Variants in TSPAN9 observed in about 807,000 individuals in gnomAD.
TSPAN9 encodes the protein tetraspanin-9.
TSPAN9 carries 16 observed loss-of-function variants against 31.0 expected under a neutral mutation model. The observed-to-expected ratio is 0.52, with a 90% CI of 0.35 to 0.78. The LOEUF is 0.78. Among genes scored for constraint, TSPAN9 ranks in the 30% least tolerant of loss-of-function variants. The pLI is 0.01. For missense variants in TSPAN9, 272 were observed against 312.5 expected (o/e 0.87, Z 0.98); for synonymous variants, 145 against 121.6 (o/e 1.19, Z -1.27).
At chr12:3,261,313 T>C (rs1862444456) in intron 3 of TSPAN9, among the ~76,000 whole-genome samples, 1 of 152,246 alleles carries the variant, frequency 6.6e-6, no homozygotes, top group African/African-American at 2.4e-5. Flanking sequence ...CAGCTTAATA[T>C]GGTAAGTACC....
intron 2 of TSPAN9, among the ~76,000 whole-genome samples, chr12:3,085,248 A>G (rs968890288): frequency 1.3e-5 from 2 of 151,220 alleles, no homozygotes; most frequent in Admixed American, 6.6e-5. Context: ...ACTTAAGGAC[A>G]AGGGAATGAC....
At chr12:3,160,987 G>A (rs903582046) in intron 2 of TSPAN9, among the ~76,000 whole-genome samples, 17 of 152,106 alleles carry the variant, frequency 1.1e-4, no homozygotes, top group Admixed American at 2.6e-4. Flanking sequence ...TTGGGAGGCC[G>A]AGGCAGGTGG....
chr12:3,277,888 C>T (rs1003081433), intron 3 of TSPAN9, among the ~76,000 whole-genome samples: 1 of 152,254 alleles, frequency 6.6e-6, no homozygotes, highest in Non-Finnish European at 1.5e-5. Context: ...CTTCAGACTC[C>T]AGTGGACAAA....
At chr12:3,271,379 G>A (rs1207986896) in intron 3 of TSPAN9, among the ~76,000 whole-genome samples, 1 of 152,184 alleles carries the variant, frequency 6.6e-6, no homozygotes, top group Admixed American at 6.5e-5. Context: ...GAGGGGAAGA[G>A]CTGGGTCCTA....
chr12:3,201,399 C>T (rs71577821), intron 3 of TSPAN9, 143 bp downstream of exon 3: 3 of 742,368 alleles, frequency 4.0e-6, no homozygotes, highest in Admixed American at 5.3e-5. Flanking sequence ...AAATTGCCCC[C>T]GCCCCCCTTT....
At chr12:3,205,901 C>T (rs1300204478) in intron 3 of TSPAN9, among the ~76,000 whole-genome samples, 1 of 151,990 alleles carries the variant, frequency 6.6e-6, no homozygotes, top group African/African-American at 2.4e-5. Flanking sequence ...GGTCTGTGTT[C>T]ACTTCCTCTC....
At chr12:3,080,843 G>A (rs2098297495) in intron 1 of TSPAN9, among the ~76,000 whole-genome samples, 2 of 152,190 alleles carry the variant, frequency 1.3e-5, no homozygotes, top group Non-Finnish European at 2.9e-5. Context: ...CTCCTGCTGT[G>A]TGCTTAGTAA....
At chr12:3,183,225 A>G (rs897477326) in intron 2 of TSPAN9, among the ~76,000 whole-genome samples, 1 of 152,174 alleles carries the variant, frequency 6.6e-6, no homozygotes, top group African/African-American at 2.4e-5. Flanking sequence ...CTTCCACTGC[A>G]TCCCTCTGTG....
At chr12:3,202,232 C>T (rs974195149) in intron 3 of TSPAN9, among the ~76,000 whole-genome samples, 5 of 152,206 alleles carry the variant, frequency 3.3e-5, no homozygotes, top group African/African-American at 9.7e-5. Flanking sequence ...ACCCAAGCCC[C>T]GACGTAGCAC....
intron 2 of TSPAN9, among the ~76,000 whole-genome samples, chr12:3,162,053 C>T (rs931221219): frequency 5.3e-5 from 8 of 152,050 alleles, no homozygotes; most frequent in African/African-American, 1.9e-4. Context: ...GTCATGAGGA[C>T]GGATCCCTCA....
At chr12:3,119,084 GA>G (rs1195224273) in intron 2 of TSPAN9, among the ~76,000 whole-genome samples, 3 of 152,180 alleles carry the variant, frequency 2.0e-5, no homozygotes, top group African/African-American at 7.2e-5. Flanking sequence ...GAAGGTAGGG[GA>G]ATGTTGTTTA....
chr12:3,132,984 C>T (rs2098330480), intron 2 of TSPAN9, among the ~76,000 whole-genome samples: 1 of 152,184 alleles, frequency 6.6e-6, no homozygotes, highest in Non-Finnish European at 1.5e-5. Context: ...GTTGTAAGAG[C>T]CTCACTCCCC....
chr12:3,251,289 G>T (rs1862239905), intron 3 of TSPAN9, among the ~76,000 whole-genome samples: 1 of 152,162 alleles, frequency 6.6e-6, no homozygotes, highest in African/African-American at 2.4e-5. Flanking sequence ...ACAGGCCCCA[G>T]CAGTGAGCTG....
intron 3 of TSPAN9, among the ~76,000 whole-genome samples, chr12:3,274,236 G>C (rs575982234): frequency 1.3e-5 from 2 of 152,184 alleles, no homozygotes; most frequent in Non-Finnish European, 2.9e-5. Context: ...GAGCAGAATT[G>C]CTCCTGATTG....
At chr12:3,234,659 A>C (rs1316451434) in intron 3 of TSPAN9, among the ~76,000 whole-genome samples, 1 of 152,192 alleles carries the variant, frequency 6.6e-6, no homozygotes, top group African/African-American at 2.4e-5. Flanking sequence ...GCCTGCAGTC[A>C]GAGTGGAAGC....
chr12:3,108,781 CG>C (rs2098316018), intron 2 of TSPAN9, among the ~76,000 whole-genome samples: 1 of 152,028 alleles, frequency 6.6e-6, no homozygotes, highest in South Asian at 2.1e-4. Flanking sequence ...GGCCTTCTAT[CG>C]GGGTTTTTAT....
At chr12:3,122,064 C>CG (rs1180828688) in intron 2 of TSPAN9, among the ~76,000 whole-genome samples, 14 of 152,164 alleles carry the variant, frequency 9.2e-5, no homozygotes, top group African/African-American at 3.1e-4. Flanking sequence ...TGGCCGGGCG[C>CG]GTGGCTCACG....
intron 2 of TSPAN9, among the ~76,000 whole-genome samples, chr12:3,154,605 C>G (rs2098341349): frequency 6.6e-6 from 1 of 152,356 alleles, no homozygotes; most frequent in South Asian, 2.1e-4. Flanking sequence ...CCTTCCCTCC[C>G]TTTTCCTCAG....
intron 2 of TSPAN9, among the ~76,000 whole-genome samples, chr12:3,109,086 C>T (rs1421096564): frequency 6.6e-6 from 1 of 152,028 alleles, no homozygotes; most frequent in African/African-American, 2.4e-5. Flanking sequence ...CAGGCACTCG[C>T]CACCACGCCC....
Sources: allele counts gnomAD v4.1 joint callset (sites outside exome capture counted in the v4.1 genomes callset), GRCh38; gene constraint gnomAD v4.1.1; transcripts MANE v1.5; gene names NCBI Gene and HGNC (gene_info 2026-07-23, HGNC 2026-07-21).